CMBL: variants seen among roughly 807,000 people sequenced by gnomAD.
The protein encoded by CMBL is carboxymethylenebutenolidase homolog, also known as carboxymethylenebutenolidase homolog (Pseudomonas).
CMBL carries 17 observed loss-of-function variants against 28.7 expected under a neutral mutation model. That is an observed-to-expected ratio of 0.59 (90% CI 0.41 to 0.89). The LOEUF (loss-of-function observed/expected upper bound fraction) is 0.89. Among genes scored for constraint, CMBL ranks in the 40% least tolerant of loss-of-function variants. The pLI is 0.00. For synonymous variants in CMBL, 106 were observed against 101.6 expected (o/e 1.04, Z -0.26); for missense variants, 310 against 298.5 (o/e 1.04, Z -0.28).
intron 2 of CMBL, 145 bp downstream of exon 2, chr5:10,290,403 T>A (rs773342709): frequency 1.5e-6 from 1 of 671,074 alleles, no homozygotes; most frequent in Non-Finnish European, 2.5e-6. Flanking sequence ...TTCCCATCTA[T>A]CTTCACGGCA....
At chr5:10,287,349 T>C (rs191268884) in intron 3 of CMBL, among the ~76,000 whole-genome samples, 9 of 152,294 alleles carry the variant, frequency 5.9e-5, no homozygotes, top group Admixed American at 2.0e-4. Context: ...TGGATGGAGC[T>C]GGAGGTCATT....
chr5:10,290,989 AAAC>A (rs974097243), intron 1 of CMBL, among the ~76,000 whole-genome samples: 3 of 152,202 alleles, frequency 2.0e-5, no homozygotes, highest in Admixed American at 1.3e-4. Context: ...AATAACAACA[AAAC>A]AACAAAAAAT....
rs538139555 is a variant in CMBL, at chr5:10,291,196, C to T, written c.-19-415G>A. On this transcript the variant is annotated intron_variant, in intron 1 of 5. Coordinates refer to ENST00000296658, the MANE Select transcript of CMBL (RefSeq NM_138809.4). ...TGTGTCGACGTGTAGAAAGAGCCAT[C>T]GAAGCACATGAGACGGGAATTTGTA... Among the ~76,000 whole-genome samples, 130 of 152,148 alleles carry T rather than the reference C, an allele frequency of 8.5e-4. 2 individuals are homozygous for T. The highest frequency in any genetic ancestry group is 3.4e-3 in the Middle Eastern group (1 of 294).
At chr5:10,306,708 C>T (rs909623522) in intron 1 of CMBL, among the ~76,000 whole-genome samples, 1 of 152,158 alleles carries the variant, frequency 6.6e-6, no homozygotes, top group Admixed American at 6.6e-5. Context: ...CTACAAACAT[C>T]AAACTTCTCC....
At chr5:10,302,077 C>G (rs1007239072) in intron 1 of CMBL, among the ~76,000 whole-genome samples, 1 of 152,176 alleles carries the variant, frequency 6.6e-6, no homozygotes, top group African/African-American at 2.4e-5. Context: ...AGACCCTCCA[C>G]GTGGGCACAG....
At position 10,307,893 on chromosome 5, in the gene CMBL, G is replaced by A. The variant is rs970493811; in HGVS notation, c.-288C>T. The A allele has an allele frequency of 8.7e-5, 13 of 148,782 alleles. No individual in the cohort carries two copies. Among genetic ancestry groups the A allele is most frequent in the African/African-American group, 3.2e-4 (13 of 40,352 alleles). The allele number at this position is 148,782 out of a possible 1,614,324, so 9.2% of individuals were successfully genotyped here. ...GGAGGGAGGGAGGCGCAGTGGGGAG[G>A]AGACGAGAGAAGGGAGGGAGGGAAG... On this transcript the variant is annotated 5_prime_UTR_variant, in exon 1 of 6. Transcript: ENST00000296658.
At chr5:10,304,076 C>A (rs1321640782) in intron 1 of CMBL, among the ~76,000 whole-genome samples, 1 of 152,108 alleles carries the variant, frequency 6.6e-6, no homozygotes, top group African/African-American at 2.4e-5. Context: ...CAAAAATATT[C>A]ATGGCTGAGA....
In CMBL at chr5:10,289,988, T is replaced by C. The variant is rs1746676626; in HGVS notation, c.215+560A>G. Reference sequence around the variant, plus strand: ...TTACACCGGGGCAAATAAGAAGCAATCGGGTATCAGCCTTGGCCAAAGGTG... The same window carrying C: ...TTACACCGGGGCAAATAAGAAGCAACCGGGTATCAGCCTTGGCCAAAGGTG... On this transcript the variant is annotated intron_variant, in intron 2 of 5. Transcript: ENST00000296658. The surrounding 1 kb of genome is among the most constrained non-coding windows in gnomAD (Gnocchi z 4.3). 6.6e-6 allele frequency among the ~76,000 whole-genome samples: 1 copy of C among 152,074 alleles called. No individual in the cohort carries two copies. Among genetic ancestry groups the C allele is most frequent in the South Asian group, 2.1e-4 (1 of 4,826 alleles).
chr5:10,291,469 T>C (rs1746715364), intron 1 of CMBL, among the ~76,000 whole-genome samples: 2 of 151,988 alleles, frequency 1.3e-5, no homozygotes, highest in Admixed American at 1.3e-4. Context: ...GAGACCATCC[T>C]GGCTAACACG....
chr5:10,299,020 G>A (rs1746851020), intron 1 of CMBL, among the ~76,000 whole-genome samples: 1 of 152,152 alleles, frequency 6.6e-6, no homozygotes, highest in Non-Finnish European at 1.5e-5. Flanking sequence ...ATATGCTTGA[G>A]ATTTTCCATG....
chr5:10,293,562 G>A (rs142357870), intron 1 of CMBL, among the ~76,000 whole-genome samples: 2 of 152,286 alleles, frequency 1.3e-5, no homozygotes, highest in East Asian at 1.9e-4. Context: ...CTAAAAAAAA[G>A]AGGTAAGAAA....
chr5:10,306,253 T>C (rs956749073), intron 1 of CMBL, among the ~76,000 whole-genome samples: 5 of 151,896 alleles, frequency 3.3e-5, no homozygotes, highest in South Asian at 2.1e-4. Context: ...CCAACAGAAA[T>C]AGAGAAAACA....
chr5:10,301,246 A>G (rs909175406), intron 1 of CMBL, among the ~76,000 whole-genome samples: 1 of 152,208 alleles, frequency 6.6e-6, no homozygotes, highest in Non-Finnish European at 1.5e-5. Flanking sequence ...GAATATTCTT[A>G]GTGTTTCATA....
intron 1 of CMBL, among the ~76,000 whole-genome samples, chr5:10,291,267 C>G (rs57176503): frequency 0.24 from 35,980 of 152,050 alleles, 5,955 homozygotes; most frequent in African/African-American, 0.47. Context: ...TCATGTCTCA[C>G]GGAAGGGGGC....
rs540951581 is a variant in CMBL, at chr5:10,304,028, G to A, written c.-20+3597C>T. On this transcript the variant is annotated intron_variant, in intron 1 of 5. Transcript: ENST00000296658. ...TTTTTGAACATGGCTCCCATGAAGA[G>A]GCAAAAAGCTCAATTGCCCACGTAC... Among the ~76,000 whole-genome samples, 3 of 152,188 alleles carry A rather than the reference G, an allele frequency of 2.0e-5. No homozygotes were observed. The East Asian group carries it at 5.8e-4, about 29-fold the overall frequency.
intron 2 of CMBL, 68 bp from the exon 3 acceptor site, chr5:10,288,597 A>AT: frequency 8.0e-7 from 1 of 1,244,946 alleles, no homozygotes; most frequent in Non-Finnish European, 1.2e-6. Flanking sequence ...GCTTGCATTT[A>AT]TTTAAAAACT....
rs569668328 is a variant in CMBL, at chr5:10,280,438, T to A, written c.*15A>T. The A allele has an allele frequency of 6.4e-7, 1 of 1,557,466 alleles. No homozygotes were observed. The highest frequency in any genetic ancestry group is 8.8e-7 in the Non-Finnish European group (1 of 1,140,762). Reference sequence around the variant, plus strand: ...GGATGAAAGCTATTCTAGGAAGGCTTGCCCTTGATTCTTGCTACATGTACT... The same window carrying A: ...GGATGAAAGCTATTCTAGGAAGGCTAGCCCTTGATTCTTGCTACATGTACT... On this transcript the variant is annotated 3_prime_UTR_variant, in exon 6 of 6. Coordinates refer to ENST00000296658, the MANE Select transcript of CMBL (RefSeq NM_138809.4).
At position 10,289,764 on chromosome 5, in the gene CMBL, T is replaced by C. The variant is rs1579472910; in HGVS notation, c.215+784A>G. On this transcript the variant is annotated intron_variant, in intron 2 of 5. Coordinates refer to ENST00000296658, the MANE Select transcript of CMBL (RefSeq NM_138809.4). This position sits in a 1 kb window ranked among gnomAD's most constrained non-coding sequence, Gnocchi z 4.3. ...GAAGGTCTTTTCATTCAGCACCGAC[T>C]CTGCATCCCACCAGGGTGGGCATGA... 4.6e-5 allele frequency among the ~76,000 whole-genome samples: 7 copies of C among 152,344 alleles called. No individual in the cohort carries two copies.
chr5:10,285,604 GCTTT>G (rs767556758), intron 4 of CMBL, among the ~76,000 whole-genome samples: 50 of 151,856 alleles, frequency 3.3e-4, no homozygotes, highest in Middle Eastern at 3.4e-3. Context: ...GGCTGCCTTT[GCTTT>G]CTTTCTTAGT....
Sources: gnomAD v4.1 joint callset for allele counts (sites outside exome capture counted in the v4.1 genomes callset) on GRCh38, gnomAD v4.1.1 for gene constraint, Gnocchi (gnomAD v3.1) non-coding constraint, MANE v1.5 for transcripts, NCBI Gene and HGNC (gene_info 2026-07-23, HGNC 2026-07-21) for gene names.